The following CADPS2 variants were observed in gnomAD, a reference collection of about 807,000 sequenced individuals.
The protein encoded by CADPS2 is calcium-dependent secretion activator 2.
In CADPS2, 93 loss-of-function variants were observed where a neutral mutation model predicts 172.5. The ratio of observed to expected loss-of-function variants is 0.54; its 90% CI spans 0.46 to 0.64. The LOEUF is 0.64. Ranked by LOEUF, CADPS2 falls within the 30% of genes least tolerant of loss-of-function variation. The probability of loss-of-function intolerance (pLI) is 0.00; values close to 1 mark genes in which losing one functional copy is unlikely to be tolerated. For synonymous variants in CADPS2, 546 were observed against 555.2 expected, an observed-to-expected ratio of 0.98 and a Z score of 0.23; for missense variants, 1,420 against 1,565.9, an observed-to-expected ratio of 0.91 and a Z score of 1.57.
intron 8 of CADPS2, among the ~76,000 whole-genome samples, chr7:122,527,911 A>G (rs2061406467): frequency 1.3e-5 from 2 of 152,148 alleles, no homozygotes; most frequent in Non-Finnish European, 2.9e-5. Context: ...AGAGACAGAC[A>G]AACAGAGAAA....
chr7:122,571,588 G>A (rs2067263486), intron 7 of CADPS2, among the ~76,000 whole-genome samples: 1 of 152,116 alleles, frequency 6.6e-6, no homozygotes, highest in African/African-American at 2.4e-5. Context: ...GGCATGGAAT[G>A]ACAGGTAGAA....
intron 7 of CADPS2, among the ~76,000 whole-genome samples, chr7:122,557,173 G>C (rs2132077537): frequency 6.6e-6 from 1 of 152,186 alleles, no homozygotes; most frequent in African/African-American, 2.4e-5. Flanking sequence ...CTTCAAAATG[G>C]TCTGTAAAAT....
intron 1 of CADPS2, among the ~76,000 whole-genome samples, chr7:122,842,602 T>C (rs959438892): frequency 1.3e-5 from 2 of 152,184 alleles, no homozygotes; most frequent in Non-Finnish European, 2.9e-5. Flanking sequence ...TAAAGGCCAA[T>C]GTAGAAAATG....
At chr7:122,366,953 T>C (rs1454271925) in intron 25 of CADPS2, 1 of 152,082 alleles carries the variant, frequency 6.6e-6, no homozygotes, top group Non-Finnish European at 1.5e-5. Flanking sequence ...AGACCAGATG[T>C]TGGTGAATTC....
rs778302858 is a variant in CADPS2, at chr7:122,698,098, C to T, written c.454-34529G>A. The T allele has an allele frequency of 8.1e-6, 13 of 1,613,868 alleles. No individual in the cohort carries two copies. The African/African-American group carries it at 1.1e-4, about 13-fold the overall frequency. ...GCAATTCTTGTGGAAAAAATGTTTA[C>T]AAGTCAGAATACGAACTATGTCATT... On this transcript the variant is annotated intron_variant, in intron 2 of 29. Transcript: ENST00000449022.
chr7:122,371,357 C>A (rs909748496), intron 25 of CADPS2, among the ~76,000 whole-genome samples: 2 of 152,000 alleles, frequency 1.3e-5, no homozygotes, highest in Non-Finnish European at 2.9e-5. Context: ...AGCAAACTTA[C>A]AATCATGGCG....
intron 1 of CADPS2, chr7:122,849,991 C>T (rs536570401): frequency 1.4e-6 from 1 of 732,712 alleles, no homozygotes; most frequent in Admixed American, 3.7e-5. Flanking sequence ...CACCTGCCCC[C>T]AAGCCTGCCT....
intron 1 of CADPS2, among the ~76,000 whole-genome samples, chr7:122,790,026 G>GTTTT (rs771290127): frequency 0.14 from 19,101 of 139,500 alleles, 1,388 homozygotes; most frequent in Middle Eastern, 0.22. Context: ...CAAATATTAA[G>GTTTT]TGTTTTTTTT....
intron 2 of CADPS2, among the ~76,000 whole-genome samples, chr7:122,721,142 T>A (rs888951597): frequency 4.6e-5 from 7 of 151,926 alleles, no homozygotes; most frequent in Non-Finnish European, 1.0e-4. Context: ...AGTACCCCAC[T>A]CCAAGCTGGT....
chr7:122,599,526 AAGG>A (rs2072424057), intron 6 of CADPS2, among the ~76,000 whole-genome samples: 1 of 151,994 alleles, frequency 6.6e-6, no homozygotes, highest in African/African-American at 2.4e-5. Flanking sequence ...ATAAACAGAA[AAGG>A]AGGAGTGTGT....
At chr7:122,526,910 C>G (rs2061286045) in intron 8 of CADPS2, among the ~76,000 whole-genome samples, 1 of 152,118 alleles carries the variant, frequency 6.6e-6, no homozygotes, top group African/African-American at 2.4e-5. Flanking sequence ...TCCTCATTGT[C>G]CAGCACTGTT....
intron 11 of CADPS2, among the ~76,000 whole-genome samples, chr7:122,481,074 G>A (rs1293079282): frequency 1.3e-5 from 2 of 151,918 alleles, no homozygotes; most frequent in Non-Finnish European, 2.9e-5. Flanking sequence ...ACTCTCTGGA[G>A]GAACTCTGGA....
intron 2 of CADPS2, among the ~76,000 whole-genome samples, chr7:122,722,049 A>G (rs553638828): frequency 5.4e-4 from 82 of 152,320 alleles, no homozygotes; most frequent in Non-Finnish European, 8.7e-4. Context: ...TCTCAAAAGA[A>G]TAAGAGCTAT....
chr7:122,810,162 A>G (rs192415495), intron 1 of CADPS2, among the ~76,000 whole-genome samples: 1 of 152,236 alleles, frequency 6.6e-6, no homozygotes, highest in East Asian at 1.9e-4. Context: ...GTACCAAGTA[A>G]TGGCTTTGCT....
At chr7:122,609,219 T>C (rs921335381) in intron 6 of CADPS2, among the ~76,000 whole-genome samples, 3 of 152,114 alleles carry the variant, frequency 2.0e-5, no homozygotes, top group Admixed American at 2.0e-4. Context: ...GACTAGTACA[T>C]ATAAGGAAAT....
intron 7 of CADPS2, among the ~76,000 whole-genome samples, chr7:122,572,213 C>A (rs1332536149): frequency 6.6e-6 from 1 of 152,078 alleles, no homozygotes; most frequent in African/African-American, 2.4e-5. Context: ...AATGGAAATT[C>A]TTTTGCATCC....
intron 2 of CADPS2, among the ~76,000 whole-genome samples, chr7:122,672,879 A>C (rs1481881625): frequency 6.6e-6 from 1 of 152,220 alleles, no homozygotes; most frequent in African/African-American, 2.4e-5. Context: ...TCAATAATGA[A>C]GCCACGGACC....
At chr7:122,835,050 A>G (rs1222651347) in intron 1 of CADPS2, among the ~76,000 whole-genome samples, 7 of 152,150 alleles carry the variant, frequency 4.6e-5, no homozygotes, top group Non-Finnish European at 5.9e-5. Context: ...GGACAGACAG[A>G]CACCTCACAT....
intron 11 of CADPS2, 36 bp downstream of exon 11, chr7:122,490,045 T>C (rs1418748175): frequency 1.9e-6 from 3 of 1,568,648 alleles, no homozygotes; most frequent in South Asian, 1.1e-5. Flanking sequence ...TTAAGGCTAT[T>C]AATTGATAAT....
Sources: gnomAD v4.1 joint callset for allele counts (sites outside exome capture counted in the v4.1 genomes callset) on GRCh38, gnomAD v4.1.1 for gene constraint, MANE v1.5 for transcripts, NCBI Gene and HGNC (gene_info 2026-07-23, HGNC 2026-07-21) for gene names.